Variants in SV2C observed in about 807,000 individuals in gnomAD.
The protein encoded by SV2C is solute carrier family 22 member B3.
Under a neutral mutation model 79.7 loss-of-function variants are expected in SV2C, and 49 were observed. The observed-to-expected ratio is 0.61, with a 90% CI of 0.49 to 0.78. The LOEUF (loss-of-function observed/expected upper bound fraction) is 0.78. Ranked by LOEUF, SV2C falls within the 30% of genes least tolerant of loss-of-function variation. The pLI is 0.00. For synonymous variants in SV2C, 334 were observed against 333.2 expected (o/e 1.00, Z -0.03); for missense variants, 833 against 912.9 (o/e 0.91, Z 1.13).
intron 4 of SV2C, among the ~76,000 whole-genome samples, chr5:76,213,874 C>T (rs1004555908): frequency 1.3e-5 from 2 of 152,168 alleles, no homozygotes; most frequent in Admixed American, 1.3e-4. Context: ...CATCTCCCCC[C>T]ATCCCTCAAT....
chr5:76,272,348 AG>A (rs1746898113), intron 4 of SV2C, among the ~76,000 whole-genome samples: 1 of 152,206 alleles, frequency 6.6e-6, no homozygotes, highest in African/African-American at 2.4e-5. Context: ...ATAAACAGAG[AG>A]CTTTTGTTGA....
the SV2C span, among the ~76,000 whole-genome samples, chr5:75,995,589 T>A: frequency 6.6e-6 from 1 of 152,098 alleles, no homozygotes; most frequent in Non-Finnish European, 1.5e-5. Flanking sequence ...ACAAATAAGA[T>A]AACAACCATA....
the SV2C span, among the ~76,000 whole-genome samples, chr5:75,871,661 A>T: frequency 1.3e-5 from 2 of 151,726 alleles, no homozygotes; most frequent in Non-Finnish European, 2.9e-5. Flanking sequence ...TACAAAAATT[A>T]GGTGGGTGTG....
chr5:76,290,607 A>G (rs1386421804), intron 6 of SV2C, among the ~76,000 whole-genome samples: 1 of 152,196 alleles, frequency 6.6e-6, no homozygotes, highest in African/African-American at 2.4e-5. Flanking sequence ...CTGAACCTCT[A>G]TCATTTATTT....
chr5:76,299,800 G>T (rs1476830490), intron 10 of SV2C, among the ~76,000 whole-genome samples: 1 of 152,158 alleles, frequency 6.6e-6, no homozygotes, highest in Non-Finnish European at 1.5e-5. Context: ...CGAACATTTT[G>T]TCAGATCTTG....
intron 12 of SV2C, among the ~76,000 whole-genome samples, chr5:76,312,636 C>A (rs925497857): frequency 6.6e-6 from 1 of 152,200 alleles, no homozygotes; most frequent in African/African-American, 2.4e-5. Flanking sequence ...GCTCTCAGGG[C>A]CGTCCTGCAA....
chr5:75,981,262 G>C, the SV2C span, among the ~76,000 whole-genome samples: 1 of 152,092 alleles, frequency 6.6e-6, no homozygotes. Flanking sequence ...TGGATAGGAA[G>C]AATCAATATT....
Position 76,193,017 on chromosome 5 carries a change from T to C in SV2C, c.581-1902T>C, listed in dbSNP as rs1445361178. 3.3e-5 allele frequency among the ~76,000 whole-genome samples: 5 copies of C among 152,328 alleles called. No individual in the cohort carries two copies. The East Asian group carries it at 7.7e-4, about 23-fold the overall frequency. ...AATTAGTAGCCACCTTCTGCCCCTC[T>C]GCTCCTATTTACACTGCTGTTCGGG... On this transcript the variant is annotated intron_variant, in intron 2 of 12. Coordinates refer to ENST00000502798, the MANE Select transcript of SV2C (RefSeq NM_014979.4).
At chr5:76,296,997 G>T (rs755300113) in intron 9 of SV2C, among the ~76,000 whole-genome samples, 1 of 152,118 alleles carries the variant, frequency 6.6e-6, no homozygotes, top group South Asian at 2.1e-4. Context: ...TACTCCATTA[G>T]AAATTTCTAA....
At chr5:75,891,494 G>GT in the SV2C span, among the ~76,000 whole-genome samples, 4 of 152,040 alleles carry the variant, frequency 2.6e-5, no homozygotes, top group Admixed American at 6.6e-5. Flanking sequence ...ATCAATATCT[G>GT]TAAGTTTTAA....
chr5:75,934,302 C>CTTTTTTTTTTTTTTTT, the SV2C span, among the ~76,000 whole-genome samples: 176 of 107,784 alleles, frequency 1.6e-3, 3 homozygotes, highest in East Asian at 1.9e-3. Flanking sequence ...TTCTTTCTTT[C>CTTTTTTTTTTTTTTTT]TTTTTTTTTT....
chr5:76,134,733 T>C (rs1286322174), intron 2 of SV2C, among the ~76,000 whole-genome samples: 1 of 152,196 alleles, frequency 6.6e-6, no homozygotes, highest in East Asian at 1.9e-4. Flanking sequence ...TATATAACAT[T>C]GTTAATTGGG....
At chr5:76,044,922 A>C in the SV2C span, among the ~76,000 whole-genome samples, 63 of 152,294 alleles carry the variant, frequency 4.1e-4, no homozygotes, top group Admixed American at 4.6e-4. Flanking sequence ...TAGTTTAATT[A>C]GATCCCATTT....
chr5:76,317,643 A>C (rs1438788617), intron 12 of SV2C, among the ~76,000 whole-genome samples: 2 of 152,094 alleles, frequency 1.3e-5, no homozygotes, highest in African/African-American at 4.8e-5. Flanking sequence ...CAGCCTGGGA[A>C]ACATAGTGGG....
chr5:75,981,365 T>G, the SV2C span, among the ~76,000 whole-genome samples: 6 of 152,186 alleles, frequency 3.9e-5, no homozygotes, highest in Admixed American at 3.3e-4. Flanking sequence ...TAGAGAAAAC[T>G]ATTTTAAAAT....
the SV2C span, among the ~76,000 whole-genome samples, chr5:76,065,810 G>A: frequency 1.3e-5 from 2 of 152,160 alleles, no homozygotes; most frequent in African/African-American, 4.8e-5. Context: ...AGATATTTAA[G>A]ATATTTCCAG....
the SV2C span, among the ~76,000 whole-genome samples, chr5:76,056,739 G>T: frequency 4.5e-4 from 67 of 150,416 alleles, no homozygotes; most frequent in African/African-American, 1.6e-3. Flanking sequence ...GTCTTGGGAG[G>T]GTGTATGTGT....
chr5:75,952,573 A>T, the SV2C span, among the ~76,000 whole-genome samples: 1 of 151,772 alleles, frequency 6.6e-6, no homozygotes, highest in East Asian at 1.9e-4. Context: ...CTTGGTGATG[A>T]GTGGGTTCTC....
chr5:75,989,966 C>T, the SV2C span, among the ~76,000 whole-genome samples: 3 of 109,972 alleles, frequency 2.7e-5, no homozygotes, highest in East Asian at 2.6e-4. Context: ...ATGTCCTTGG[C>T]CCCCTTTTTA....
Sources: allele counts gnomAD v4.1 joint callset (sites outside exome capture counted in the v4.1 genomes callset), GRCh38; gene constraint gnomAD v4.1.1; transcripts MANE v1.5; gene names NCBI Gene and HGNC (gene_info 2026-07-23, HGNC 2026-07-21).